ELFN2: variants seen among roughly 807,000 people sequenced by gnomAD.
The protein encoded by ELFN2 is extracellular leucine rich repeat and fibronectin type III domain containing 2.
In ELFN2, 17 loss-of-function variants were observed where a neutral mutation model predicts 45.5. That is an observed-to-expected ratio of 0.37 (90% CI 0.26 to 0.56). The LOEUF (loss-of-function observed/expected upper bound fraction) is 0.56. Ranked by LOEUF, ELFN2 falls within the 20% of genes least tolerant of loss-of-function variation. ELFN2 has a pLI of 0.77. For missense variants in ELFN2, 922 were observed against 1,183.2 expected (o/e 0.78, Z 3.24); for synonymous variants, 550 against 551.5 (o/e 1.00, Z 0.04).
chr22:37,365,844 A>G (rs1234907149), downstream of ELFN2, among the ~76,000 whole-genome samples: 1 of 152,242 alleles, frequency 6.6e-6, no homozygotes, highest in Non-Finnish European at 1.5e-5. Flanking sequence ...CCCAGAAAAA[A>G]TAACACGTTT....
chr22:37,357,290 C>T (rs1308856695), intron 1 of ELFN2, among the ~76,000 whole-genome samples: 1 of 152,100 alleles, frequency 6.6e-6, no homozygotes, highest in African/African-American at 2.4e-5. Context: ...TCACGCTAGA[C>T]GGGAGGTTGG....
At chr22:37,344,946 C>T (rs1930659747) in intron 1 of ELFN2, among the ~76,000 whole-genome samples, 1 of 152,168 alleles carries the variant, frequency 6.6e-6, no homozygotes, top group Admixed American at 6.5e-5. Context: ...AGGGGGCCCT[C>T]CCCGTTCTCT....
intron 2 of ELFN2, among the ~76,000 whole-genome samples, chr22:37,394,109 G>A (rs1221135212): frequency 2.0e-5 from 3 of 152,164 alleles, no homozygotes; most frequent in African/African-American, 7.2e-5. Context: ...CTGGCTGTGT[G>A]ACTGTGGGCC....
intron 2 of ELFN2, chr22:37,341,133 CA>C (rs1250988899): frequency 6.6e-6 from 1 of 152,398 alleles, no homozygotes; most frequent in Non-Finnish European, 1.5e-5. Context: ...CACCAGCAGC[CA>C]GGGGGCAGGG....
chr22:37,363,643 C>A (rs1485615831), downstream of ELFN2, among the ~76,000 whole-genome samples: 1 of 152,136 alleles, frequency 6.6e-6, no homozygotes, highest in Admixed American at 6.5e-5. Context: ...GGAGAAGGGG[C>A]TGCCAGCATA....
At position 37,347,560 on chromosome 22, in the gene ELFN2, G is replaced by A. The variant is rs554438005; in HGVS notation, n.149-4857C>T. On this transcript the variant is annotated intron_variant and non_coding_transcript_variant, in intron 1 of 2. Coordinates refer to ENST00000452946, the Ensembl canonical transcript of ELFN2. ...GGGAATGTACCTGGGGCCTGCAGCC[G>A]CACCCTCCATGTCATAGATAAACAC... is the stretch of plus-strand genomic sequence containing the variant. Among the ~76,000 whole-genome samples, 25 of 151,878 alleles carry A rather than the reference G, an allele frequency of 1.6e-4. No homozygotes were observed. The South Asian group carries it at 3.3e-3, about 20-fold the overall frequency.
intron 2 of ELFN2, among the ~76,000 whole-genome samples, chr22:37,390,810 G>C (rs1932068639): frequency 6.6e-6 from 1 of 152,148 alleles, no homozygotes; most frequent in Non-Finnish European, 1.5e-5. Context: ...CCATGACCAT[G>C]ACTGCCAGAA....
At chr22:37,421,973 G>T (rs6000727) in intron 1 of ELFN2, among the ~76,000 whole-genome samples, 9,122 of 152,228 alleles carry the variant, frequency 0.06, 349 homozygotes, top group African/African-American at 0.1. Context: ...GAGGGAAACT[G>T]AGTCAGGCCT....
At chr22:37,365,674 T>C (rs1931186964), downstream of ELFN2, among the ~76,000 whole-genome samples, 1 of 152,214 alleles carries the variant, frequency 6.6e-6, no homozygotes, top group African/African-American at 2.4e-5. Flanking sequence ...GGGGTGCCCC[T>C]GGCAACTATG....
chr22:37,422,547 A>G (rs575143636), intron 1 of ELFN2, among the ~76,000 whole-genome samples: 124 of 152,040 alleles, frequency 8.2e-4, no homozygotes, highest in African/African-American at 2.9e-3. Context: ...TCTACTAAAA[A>G]TACAAAAATT....
At position 37,417,122 on chromosome 22, in the gene ELFN2, GCCTCT is replaced by G. The variant is rs372281298; in HGVS notation, c.-463+642_-463+646del. Reference sequence around the variant, plus strand: ...CAACACAGCCTCGGTGACAGCCCCAGCCTCTCCTCTCCTCTCCTCTCCAGGGCAGC... The same window carrying G: ...CAACACAGCCTCGGTGACAGCCCCAGCCTCTCCTCTCCTCTCCAGGGCAGC... On this transcript the variant is annotated intron_variant, in intron 2 of 2. Coordinates refer to ENST00000402918, the MANE Select transcript of ELFN2 (RefSeq NM_052906.5). The surrounding 1 kb of genome is among the most constrained non-coding windows in gnomAD (Gnocchi z 4.5). Among the ~76,000 whole-genome samples the G allele has an allele frequency of 0.011, 1,738 of 151,402 alleles. 45 individuals are homozygous for G. The highest frequency in any genetic ancestry group is 0.04 in the African/African-American group (1,668 of 41,402).
intron 1 of ELFN2, among the ~76,000 whole-genome samples, chr22:37,423,105 C>T (rs1932822431): frequency 6.6e-6 from 1 of 152,152 alleles, no homozygotes; most frequent in African/African-American, 2.4e-5. Context: ...GAAGAAGATA[C>T]TGATCCTGGG....
intron 2 of ELFN2, among the ~76,000 whole-genome samples, chr22:37,341,736 G>T (rs1930564747): frequency 6.6e-6 from 1 of 152,154 alleles, no homozygotes; most frequent in Non-Finnish European, 1.5e-5. Flanking sequence ...CCAAGCACTG[G>T]TTCAGAAGCC....
intron 2 of ELFN2, among the ~76,000 whole-genome samples, chr22:37,378,707 G>A (rs941177961): frequency 6.6e-6 from 1 of 152,258 alleles, no homozygotes; most frequent in Non-Finnish European, 1.5e-5. Context: ...CTCAGACGGA[G>A]TTGGGAGGAG....
At chr22:37,365,523 G>A (rs1056757825), downstream of ELFN2, among the ~76,000 whole-genome samples, 5 of 152,162 alleles carry the variant, frequency 3.3e-5, no homozygotes, top group African/African-American at 7.2e-5. Flanking sequence ...GCCGGTGGTC[G>A]GTGAAGTTTG....
intron 2 of ELFN2, among the ~76,000 whole-genome samples, chr22:37,387,249 C>T (rs896908225): frequency 3.9e-5 from 6 of 152,138 alleles, no homozygotes; most frequent in Admixed American, 6.5e-5. Flanking sequence ...GCCTGTTCCC[C>T]GGCCTCGGTT....
At chr22:37,426,432 C>A (rs969396750) in intron 1 of ELFN2, among the ~76,000 whole-genome samples, 1 of 151,694 alleles carries the variant, frequency 6.6e-6, no homozygotes, top group Non-Finnish European at 1.5e-5. Context: ...TGACAGTGTG[C>A]GTGTGTGCGC....
chr22:37,380,488 G>A (rs1931725196), intron 2 of ELFN2, among the ~76,000 whole-genome samples: 1 of 152,172 alleles, frequency 6.6e-6, no homozygotes, highest in African/African-American at 2.4e-5. Context: ...ACTCTTGCAG[G>A]GACACCCGTC....
chr22:37,382,565 A>ATC (rs1196500720), intron 2 of ELFN2, among the ~76,000 whole-genome samples: 1 of 34,820 alleles, frequency 2.9e-5, no homozygotes, highest in African/African-American at 1.1e-4. Flanking sequence ...TTTTTTTTAA[A>ATC]AACAGACTCT....
Sources: gnomAD v4.1 joint callset for allele counts (sites outside exome capture counted in the v4.1 genomes callset) on GRCh38, gnomAD v4.1.1 for gene constraint, Gnocchi (gnomAD v3.1) non-coding constraint, MANE v1.5 for transcripts, NCBI Gene and HGNC (gene_info 2026-07-23, HGNC 2026-07-21) for gene names.